SYNM: variants seen among roughly 807,000 people sequenced by gnomAD.
The protein encoded by SYNM is synemin.
In SYNM, 95 loss-of-function variants were observed where a neutral mutation model predicts 104.0. That is an observed-to-expected ratio of 0.91 (90% CI 0.77 to 1.08). SYNM has a LOEUF of 1.08. Among genes scored for constraint, SYNM ranks in the 50% least tolerant of loss-of-function variants. SYNM has a pLI of 0.00. For synonymous variants in SYNM, 918 were observed against 869.0 expected (o/e 1.06, Z -0.99); for missense variants, 2,150 against 2,052.2 (o/e 1.05, Z -0.92).
In SYNM at chr15:99,129,357, A is replaced by G. The variant is rs2151809084; in HGVS notation, c.1007-10A>G. The G allele has an allele frequency of 2.5e-6, 4 of 1,607,342 alleles. No homozygotes were observed. The South Asian group carries it at 3.3e-5, about 13-fold the overall frequency. ...GTCATTTTAATGAATGCTTTGTTCAATTTCTACAGAATTCAGAAACAAATC... is the reference window on the plus strand; with the variant it reads ...GTCATTTTAATGAATGCTTTGTTCAGTTTCTACAGAATTCAGAAACAAATC... On this transcript the variant is annotated splice_polypyrimidine_tract_variant and intron_variant, in intron 3 of 3. Coordinates refer to ENST00000336292, the MANE Select transcript of SYNM (RefSeq NM_145728.3).
rs546354423 is a variant in SYNM at position 99,130,740 on chromosome 15, G to C, written c.2380G>C (p.Asp794His). Residue 794 changes from aspartate to histidine, a missense_variant, in exon 4 of 4, where the codon GAT becomes CAT. By Grantham distance (81) the Asp-to-His change is moderately conservative. Coordinates refer to ENST00000336292, the MANE Select transcript of SYNM (RefSeq NM_145728.3). ...VKEEEGYGESDVTFSVNQHRR... is the reference protein window; with the variant it reads ...VKEEEGYGESHVTFSVNQHRR... ...GGAGGAGGAAGGTTATGGAGAAAGC[G>C]ATGTCACATTCTCAGTTAATCAGCA... The C allele has an allele frequency of 6.2e-7, 1 of 1,613,940 alleles. No homozygotes were observed. Among genetic ancestry groups the C allele is most frequent in the South Asian group, 1.1e-5 (1 of 91,078 alleles).
downstream of SYNM, chr15:99,137,839 A>T: frequency 9.6e-7 from 1 of 1,045,702 alleles, no homozygotes; most frequent in Non-Finnish European, 1.4e-6. Flanking sequence ...CCACTGTCAA[A>T]ATGTGGCCCA....
rs2067481419 is a variant in SYNM at position 99,129,802 on chromosome 15, C to A, written c.1442C>A (p.Ala481Glu). The change falls in exon 4 of 4, where the codon GCA becomes GAA. Residue 481 changes from alanine (A) to glutamate (E), a missense_variant. Transcript: ENST00000336292. ...CGGGATCGCCGAGACAAGGTGGCAGCAGGTGCTTCGGAAAGCACACGGTCA... is the reference window on the plus strand; with the variant it reads ...CGGGATCGCCGAGACAAGGTGGCAGAAGGTGCTTCGGAAAGCACACGGTCA... The part of the protein sequence containing the change: ...SYRDRRDKVA[A>E]GASESTRSNE... The A allele has an allele frequency of 1.9e-6, 3 of 1,613,330 alleles. No homozygotes were observed. In the African/African-American group the frequency reaches 4.0e-5, roughly 22 times the overall value.
chr15:99,139,251 G>A, downstream of SYNM: 1 of 1,578,048 alleles, frequency 6.3e-7, no homozygotes, highest in African/African-American at 1.3e-5. Context: ...TCTAGAACCA[G>A]CTTTCTCTTG....
chr15:99,126,928 A>C, intron 3 of SYNM, 136 bp downstream of exon 3: 1 of 696,750 alleles, frequency 1.4e-6, no homozygotes, highest in South Asian at 2.4e-5. Flanking sequence ...CTCTCATTTA[A>C]GTACCAAATA....
Position 99,105,235 on chromosome 15 carries a change from G to A in SYNM, c.36G>A (p.Lys12=), listed in dbSNP as rs372136692. The change falls in exon 1 of 4, where the codon AAG becomes AAA. Residue 12 remains lysine, a synonymous_variant. Transcript: ENST00000336292. ...GGCGGCTGCAGACGGGCCCCGAGAA[G>A]GCCGAGCTCCAGGAGCTCAACGCCC... ...LSWRLQTGPE[K]AELQELNARL... The A allele has an allele frequency of 2.0e-5, 31 of 1,574,294 alleles. No homozygotes were observed. Among genetic ancestry groups the A allele is most frequent in the Non-Finnish European group, 2.1e-5 (24 of 1,161,208 alleles).
Position 99,105,848 on chromosome 15 carries a change from C to T in SYNM, c.649C>T (p.Gln217Ter), listed in dbSNP as rs1555482623. ...RELEEALRRG[Q>*]ESRLQAEEET... is the part of the protein sequence containing the mutation. ...GCTGGAGGAGGCGCTGCGGCGCGGC[C>T]AGGAGAGCAGACTCCAGGCGGAGGA... The change falls in exon 1 of 4, where the codon CAG (glutamine) becomes TAG (stop). Residue 217 changes from glutamine to a stop codon, truncating the protein, a stop_gained. Coordinates refer to ENST00000336292, the MANE Select transcript of SYNM (RefSeq NM_145728.3). LOFTEE classifies it high-confidence loss of function. The T allele has an allele frequency of 6.5e-7, 1 of 1,542,142 alleles. No homozygotes were observed. Among genetic ancestry groups the T allele is most frequent in the Non-Finnish European group, 8.7e-7 (1 of 1,146,080 alleles).
rs576321824 is a variant in SYNM, at chr15:99,106,022, G to A, written c.810+13G>A. 13 of 1,438,232 alleles carry A rather than the reference G, an allele frequency of 9.0e-6. No homozygotes were observed. In the South Asian group the frequency reaches 1.3e-4, roughly 14 times the overall value. 89.1% of individuals were successfully genotyped at this position (1,438,232 alleles called of 1,614,324 possible). A position where few individuals can be genotyped will look rare whatever the true frequency, so the allele number is the denominator to read the frequency against. On this transcript the variant is annotated intron_variant, in intron 1 of 3. Coordinates refer to ENST00000336292, the MANE Select transcript of SYNM (RefSeq NM_145728.3). ...CGAGGAGCGGCAGGTCCGTGCGCGG[G>A]GATGGCGCGCTGACCCCATACCCGC... is the stretch of plus-strand genomic sequence containing the variant.
chr15:99,116,019 G>T (rs1331498486), intron 2 of SYNM, among the ~76,000 whole-genome samples: 1 of 152,266 alleles, frequency 6.6e-6, no homozygotes, highest in Non-Finnish European at 1.5e-5. Context: ...GCCTTCCCAG[G>T]GACATGGAGT....
At position 99,105,358 on chromosome 15, in the gene SYNM, GGCCGAGGGGCAGGCCCGCTGC is replaced by G. The variant is rs781997338; in HGVS notation, c.167_187del (p.Gly56_Glu62del). On this transcript the variant is annotated inframe_deletion, in exon 1 of 4. Coordinates refer to ENST00000336292, the MANE Select transcript of SYNM (RefSeq NM_145728.3). Reference sequence around the variant, plus strand: ...GCCGGCGCGGGCGAGAGGGCCTGTGGGCCGAGGGGCAGGCCCGCTGCGCCGAGGAGGCGCGCAGCTTGCGGC... The same window carrying G: ...GCCGGCGCGGGCGAGAGGGCCTGTGGGCCGAGGAGGCGCGCAGCTTGCGGC... 3.9e-6 allele frequency: 6 copies of G among 1,533,868 alleles called. No homozygotes were observed. Among genetic ancestry groups the G allele is most frequent in the South Asian group, 2.4e-5 (2 of 83,498 alleles).
chr15:99,111,238 T>C (rs576951856), intron 1 of SYNM, among the ~76,000 whole-genome samples: 2 of 152,364 alleles, frequency 1.3e-5, no homozygotes, highest in Admixed American at 1.3e-4. Context: ...GTATTTTTTT[T>C]CTAAGCAGTT....
Position 99,131,247 on chromosome 15 carries a change from C to T in SYNM, c.2887C>T (p.Arg963Cys), listed in dbSNP as rs781789316. ...IGQLEETLPE[R>C]MREELSALTR... Reference sequence around the variant, plus strand: ...GCAGCTGGAGGAAACCCTTCCCGAGCGCATGAGGGAGGAGCTGTCCGCCCT... The same window carrying T: ...GCAGCTGGAGGAAACCCTTCCCGAGTGCATGAGGGAGGAGCTGTCCGCCCT... Residue 963 changes from arginine (R) to cysteine (C), a missense_variant, in exon 4 of 4, where the codon CGC (arginine) becomes TGC (cysteine). Physicochemically the swap from Arg to Cys is radical, Grantham distance 180. Transcript: ENST00000336292. The surrounding 1 kb of genome is among the most constrained non-coding windows in gnomAD (Gnocchi z 4.3). 46 of 1,609,750 alleles carry T rather than the reference C, an allele frequency of 2.9e-5. No homozygotes were observed. Among genetic ancestry groups the T allele is most frequent in the Middle Eastern group, 1.6e-4 (1 of 6,076 alleles).
At chr15:99,113,485 A>G (rs2067318201) in intron 1 of SYNM, 106 bp from the exon 2 acceptor site, 3 of 1,461,902 alleles carry the variant, frequency 2.1e-6, no homozygotes, top group East Asian at 4.9e-5. Flanking sequence ...CTGGTCTGCT[A>G]ATAACCCTGG....
rs782215242 is a variant in SYNM at position 99,113,714 on chromosome 15, C to T, written c.934C>T (p.Arg312Trp). The change falls in exon 2 of 4, where the codon CGG (arginine) becomes TGG (tryptophan). Residue 312 changes from arginine to tryptophan, a missense_variant and splice_region_variant. Coordinates refer to ENST00000336292, the MANE Select transcript of SYNM (RefSeq NM_145728.3). ...CCTCAGTCTGGAGGTGGCGACCTAC[C>T]GGTAAGGAGACTGTGCTGAGTTGGC... ...TGLSLEVATY[R>W]ALLEGESNPE... The T allele has an allele frequency of 1.4e-5, 23 of 1,613,262 alleles. No individual in the cohort carries two copies. The highest frequency in any genetic ancestry group is 1.0e-4 in the Admixed American group (6 of 59,932).
chr15:99,126,069 T>G (rs1363159742), intron 2 of SYNM, among the ~76,000 whole-genome samples: 1 of 152,194 alleles, frequency 6.6e-6, no homozygotes, highest in Non-Finnish European at 1.5e-5. Context: ...CCAATTTGGA[T>G]GAAGTGAGGC....
intron 1 of SYNM, among the ~76,000 whole-genome samples, chr15:99,106,686 T>G (rs1292341064): frequency 1.3e-5 from 2 of 152,204 alleles, no homozygotes; most frequent in African/African-American, 4.8e-5. Flanking sequence ...TTATTACAAG[T>G]GCAGAGTGAT....
Position 99,130,860 on chromosome 15 carries a change from A to G in SYNM, c.2500A>G (p.Thr834Ala), listed in dbSNP as rs1474228937. The stretch of plus-strand genomic sequence containing the variant: ...GGGCGAGCAGAGTTATTTTGTGTCC[A>G]CTCCAGATGAACACCCCGGGGGGCA... ...SEGEQSYFVS[T>A]PDEHPGGHDR... The change falls in exon 4 of 4, where the codon ACT (threonine) becomes GCT (alanine). Residue 834 changes from threonine (T) to alanine (A), a missense_variant. Transcript: ENST00000336292. The G allele has an allele frequency of 6.2e-7, 1 of 1,613,854 alleles. No individual in the cohort carries two copies. The highest frequency in any genetic ancestry group is 8.5e-7 in the Non-Finnish European group (1 of 1,179,866).
rs2067560467 is a variant in SYNM, at chr15:99,135,383, CACA to C, written c.*2328_*2330del. On this transcript the variant is annotated 3_prime_UTR_variant, in exon 4 of 4. Transcript: ENST00000336292. ...ACTTCGTGGTTGGATGGGGCCGGAA[CACA>C]ACCAGTCTTTTTGTATTTATTGTTA... 1.3e-5 allele frequency: 2 copies of C among 152,612 alleles called. No individual in the cohort carries two copies. The highest frequency in any genetic ancestry group is 2.9e-5 in the Non-Finnish European group (2 of 68,026). The allele number at this position is 152,612 out of a possible 1,614,324, so 9.5% of individuals were successfully genotyped here.
At chr15:99,140,909 A>T in the SYNM span, 1 of 152,192 alleles carries the variant, frequency 6.6e-6, no homozygotes, top group African/African-American at 2.4e-5. Context: ...GAAATACCAA[A>T]CCAAACCAAA....
Sources: gnomAD v4.1 joint callset for allele counts (sites outside exome capture counted in the v4.1 genomes callset) on GRCh38, gnomAD v4.1.1 for gene constraint, Gnocchi (gnomAD v3.1) non-coding constraint, MANE v1.5 for transcripts, NCBI Gene and HGNC (gene_info 2026-07-23, HGNC 2026-07-21) for gene names.